The following CREBBP variants were observed in gnomAD, a reference collection of about 807,000 sequenced individuals.
CREBBP encodes the protein CREB-binding protein.
Under a neutral mutation model 265.0 loss-of-function variants are expected in CREBBP, and 19 were observed. The observed-to-expected ratio is 0.07, with a 90% confidence interval of 0.05 to 0.11. CREBBP has a LOEUF of 0.11. Ranked by LOEUF, CREBBP falls within the 10% of genes least tolerant of loss-of-function variation. CREBBP has a pLI of 1.00. For missense variants in CREBBP, 2,525 were observed against 3,219.0 expected (o/e 0.78, Z 5.22); for synonymous variants, 1,457 against 1,223.7 (o/e 1.19, Z -3.98).
chr16:3,867,921 G>A (rs1447902444), intron 1 of CREBBP, among the ~76,000 whole-genome samples: 1 of 151,974 alleles, frequency 6.6e-6, no homozygotes, highest in Non-Finnish European at 1.5e-5. Flanking sequence ...GTGAGACCCT[G>A]TCTCAAAATA....
At chr16:3,740,291 A>T in intron 24 of CREBBP, 108 bp downstream of exon 24, 1 of 1,407,244 alleles carries the variant, frequency 7.1e-7, no homozygotes, top group Non-Finnish European at 1.0e-6. Flanking sequence ...TCGCTGCTGC[A>T]AAGTCTTGGA....
At chr16:3,763,169 T>A (rs894719250) in intron 16 of CREBBP, among the ~76,000 whole-genome samples, 3 of 139,390 alleles carry the variant, frequency 2.2e-5, no homozygotes, top group Non-Finnish European at 3.1e-5. Context: ...CTGAAACCAA[T>A]TTTTTTTTTT....
In CREBBP at chr16:3,850,300, G is replaced by A. The variant is rs1463971446; in HGVS notation, c.795C>T (p.Ala265=). Residue 265 remains alanine (A), a synonymous_variant, in exon 2 of 31, where the codon GCC becomes GCT. Transcript: ENST00000262367. The part of the protein sequence containing the change: ...GLNTAQAGGM[A]KMGITGNTSP... ...GAAAGTGCTTCAGTTCACTTACCTT[G>A]GCCATGCCTCCTGCCTGTGCGGTGT... The A allele has an allele frequency of 5.0e-6, 8 of 1,614,048 alleles. No homozygotes were observed. Among genetic ancestry groups the A allele is most frequent in the African/African-American group, 4.0e-5 (3 of 74,920 alleles).
At chr16:3,836,433 C>CAAA (rs564007443) in intron 2 of CREBBP, among the ~76,000 whole-genome samples, 6 of 53,884 alleles carry the variant, frequency 1.1e-4, no homozygotes, top group African/African-American at 3.8e-4. Flanking sequence ...GACTGTGTCT[C>CAAA]AAAAAAAAAA....
intron 2 of CREBBP, among the ~76,000 whole-genome samples, chr16:3,820,791 T>C (rs893990942): frequency 7.2e-5 from 11 of 151,918 alleles, no homozygotes; most frequent in African/African-American, 2.7e-4. Flanking sequence ...ACCCAAGAGG[T>C]TGAGGATGTA....
In CREBBP at chr16:3,744,979, TATG is replaced by T. The variant is rs1214082855; in HGVS notation, c.3915-21_3915-19del. ...ACACAAAACTGCAAAATAATAGTGG[TATG>T]ATGAGACTGTATATAATGATGTAAA... On this transcript the variant is annotated intron_variant, in intron 22 of 30. Transcript: ENST00000262367. The T allele has an allele frequency of 1.3e-6, 2 of 1,573,444 alleles. No individual in the cohort carries two copies. The highest frequency in any genetic ancestry group is 1.7e-6 in the Non-Finnish European group (2 of 1,142,914).
intron 3 of CREBBP, among the ~76,000 whole-genome samples, chr16:3,801,397 C>T (rs1944744948): frequency 6.6e-6 from 1 of 152,190 alleles, no homozygotes; most frequent in African/African-American, 2.4e-5. Context: ...GGGCTGGGTG[C>T]AGCAGCTCAC....
At chr16:3,754,244 C>G (rs991046137) in intron 19 of CREBBP, among the ~76,000 whole-genome samples, 4 of 152,170 alleles carry the variant, frequency 2.6e-5, no homozygotes, top group African/African-American at 9.7e-5. Flanking sequence ...TATTACTGTT[C>G]TGAGAGAGGA....
intron 27 of CREBBP, 38 bp from the exon 28 acceptor site, chr16:3,736,241 G>T: frequency 6.3e-7 from 1 of 1,599,004 alleles, no homozygotes; most frequent in Admixed American, 1.7e-5. Flanking sequence ...TGAGGGCCAT[G>T]CACGCGTGCC....
At chr16:3,870,924 C>G (rs932959582) in intron 1 of CREBBP, among the ~76,000 whole-genome samples, 1 of 151,312 alleles carries the variant, frequency 6.6e-6, no homozygotes, top group Non-Finnish European at 1.5e-5. Flanking sequence ...CTCAGGAGGC[C>G]GAGGCAGGAT....
At chr16:3,792,648 T>A (rs899304138) in intron 4 of CREBBP, among the ~76,000 whole-genome samples, 1 of 152,216 alleles carries the variant, frequency 6.6e-6, no homozygotes, top group Non-Finnish European at 1.5e-5. Context: ...ACAACAGGGT[T>A]ACTCTGGGGA....
chr16:3,739,468 A>G (rs1409708426), intron 25 of CREBBP, 110 bp downstream of exon 25: 20 of 1,292,304 alleles, frequency 1.5e-5, no homozygotes, highest in Non-Finnish European at 2.2e-5. Context: ...GGTTTCATTT[A>G]CTTTAATCCC....
intron 3 of CREBBP, among the ~76,000 whole-genome samples, chr16:3,808,862 T>G (rs1216005351): frequency 2.0e-5 from 3 of 152,168 alleles, no homozygotes; most frequent in Non-Finnish European, 2.9e-5. Flanking sequence ...GAGTCCACAC[T>G]ACTGTCCTTT....
intron 1 of CREBBP, among the ~76,000 whole-genome samples, chr16:3,853,609 G>A (rs769822388): frequency 4.0e-5 from 6 of 150,210 alleles, no homozygotes; most frequent in Non-Finnish European, 7.4e-5. Flanking sequence ...GAAACAGAGT[G>A]AGACTCCATC....
At chr16:3,754,003 A>C (rs1022735978) in intron 19 of CREBBP, among the ~76,000 whole-genome samples, 15 of 152,176 alleles carry the variant, frequency 9.9e-5, no homozygotes, top group African/African-American at 3.6e-4. Context: ...CCCACCGAGG[A>C]AAGTGACACT....
chr16:3,808,145 G>A (rs2053867064), intron 3 of CREBBP, among the ~76,000 whole-genome samples: 2 of 142,720 alleles, frequency 1.4e-5, no homozygotes, highest in Admixed American at 1.4e-4. Flanking sequence ...GGGAGAGGGA[G>A]GGATGAAAGA....
rs1371598356 is a variant in CREBBP at position 3,782,912 on chromosome 16, G to A, written c.1345C>T (p.Pro449Ser). The A allele has an allele frequency of 1.9e-6, 3 of 1,614,076 alleles. No homozygotes were observed. Among genetic ancestry groups the A allele is most frequent in the South Asian group, 2.2e-5 (2 of 91,084 alleles). ...KRNQQTILGS[P>S]ASGIQNTIGS... is the part of the protein sequence containing the mutation. ...ATTGTGTTTTGAATTCCACTAGCTG[G>A]AGACCCCAGGATGGCTATAACGACA... The change falls in exon 6 of 31, where the codon CCA (proline) becomes TCA (serine). Residue 449 changes from proline to serine, a missense_variant. By Grantham distance (74) the Pro-to-Ser change is moderately conservative. Around this residue, in one of 19 missense-constraint regions of CREBBP, gnomAD observed 48 missense variants for 70.2 expected, o/e 0.68. Coordinates refer to ENST00000262367, the MANE Select transcript of CREBBP (RefSeq NM_004380.3).
intron 19 of CREBBP, among the ~76,000 whole-genome samples, 185 bp from the exon 20 acceptor site, chr16:3,751,991 G>A (rs967471142): frequency 6.6e-6 from 1 of 152,256 alleles, no homozygotes; most frequent in East Asian, 1.9e-4. Flanking sequence ...CAGGATTAGA[G>A]AACAGGGAAG....
chr16:3,860,024 G>A (rs761383553), intron 1 of CREBBP, among the ~76,000 whole-genome samples: 4 of 152,238 alleles, frequency 2.6e-5, no homozygotes, highest in Middle Eastern at 3.4e-3. Context: ...GGTGGGGGGC[G>A]GGGGCAGTCT....
Sources: gnomAD v4.1 joint callset for allele counts (sites outside exome capture counted in the v4.1 genomes callset) on GRCh38, gnomAD v4.1.1 for gene constraint, gnomAD v4.1.1 regional missense constraint, MANE v1.5 for transcripts, NCBI Gene and HGNC (gene_info 2026-07-23, HGNC 2026-07-21) for gene names.